Variants in ABAT observed in about 807,000 individuals in gnomAD.
ABAT encodes 4-aminobutyrate aminotransferase.
In ABAT, 45 loss-of-function variants were observed where a neutral mutation model predicts 64.6. The ratio of observed to expected loss-of-function variants is 0.70; its 90% CI spans 0.55 to 0.89. ABAT has a LOEUF of 0.89. ABAT is among the 40% of genes least tolerant of loss of function. The probability of loss-of-function intolerance (pLI) is 0.00; values close to 1 mark genes in which losing one functional copy is unlikely to be tolerated. For missense variants in ABAT, 633 were observed against 658.4 expected (o/e 0.96, Z 0.42); for synonymous variants, 297 against 250.5 (o/e 1.19, Z -1.75).
chr16:8,735,173 CAAA>C (rs79765636), intron 1 of ABAT, among the ~76,000 whole-genome samples: 97 of 72,484 alleles, frequency 1.3e-3, no homozygotes, highest in African/African-American at 2.8e-3. Flanking sequence ...GACTCCATCT[CAAA>C]AAAAAAAAAA....
intron 1 of ABAT, among the ~76,000 whole-genome samples, chr16:8,721,955 A>G (rs768120767): frequency 6.6e-6 from 1 of 152,242 alleles, no homozygotes; most frequent in Non-Finnish European, 1.5e-5. Context: ...ACAGTAAGGA[A>G]TAGAACTTAC....
chr16:8,752,889 TATGCACTTGGCATATTG>T (rs1279380115), intron 5 of ABAT, among the ~76,000 whole-genome samples: 1 of 152,228 alleles, frequency 6.6e-6, no homozygotes, highest in Non-Finnish European at 1.5e-5. Flanking sequence ...GAGAATTTAC[TATGCACTTGGCATATTG>T]CCAAGTGCCT....
intron 6 of ABAT, among the ~76,000 whole-genome samples, chr16:8,763,308 C>T (rs1393781255): frequency 6.6e-6 from 1 of 152,114 alleles, no homozygotes; most frequent in Admixed American, 6.6e-5. Flanking sequence ...TCCTCAGTTC[C>T]CCCAACTCTA....
At position 8,776,771 on chromosome 16, in the gene ABAT, G is replaced by T. The variant is rs1446138455; in HGVS notation, c.1269+281G>T. Among the ~76,000 whole-genome samples the T allele has an allele frequency of 6.6e-6, 1 of 152,006 alleles. No homozygotes were observed. Among genetic ancestry groups the T allele is most frequent in the African/African-American group, 2.4e-5 (1 of 41,386 alleles). ...TTTATTTTTTTAATATTGAGACATG[G>T]TCAAGCTCTGTTAGCCAGTCCGGCC... On this transcript the variant is annotated intron_variant, in intron 14 of 15. Coordinates refer to ENST00000268251, the MANE Select transcript of ABAT (RefSeq NM_020686.6). The surrounding 1 kb of genome is among the most constrained non-coding windows in gnomAD (Gnocchi z 4.4).
intron 11 of ABAT, among the ~76,000 whole-genome samples, chr16:8,769,413 G>T (rs1019785124): frequency 6.6e-6 from 1 of 152,016 alleles, no homozygotes; most frequent in Non-Finnish European, 1.5e-5. Flanking sequence ...CTAAAAATTA[G>T]CTGGGTGTGG....
chr16:8,746,787 C>T (rs1435423099), intron 3 of ABAT, among the ~76,000 whole-genome samples: 2 of 151,994 alleles, frequency 1.3e-5, no homozygotes, highest in Admixed American at 6.6e-5. Context: ...CACAGTAATG[C>T]TTCATAACAA....
At chr16:8,705,705 G>T (rs922496957) in intron 1 of ABAT, among the ~76,000 whole-genome samples, 8 of 152,248 alleles carry the variant, frequency 5.3e-5, no homozygotes, top group African/African-American at 1.9e-4. Flanking sequence ...TTGGTGGTTG[G>T]TTTTTTGCTA....
Position 8,779,510 on chromosome 16 carries a change from G to A in ABAT, c.1301G>A (p.Arg434Lys). 2 of 1,614,174 alleles carry A rather than the reference G, an allele frequency of 1.2e-6. No individual in the cohort carries two copies. The highest frequency in any genetic ancestry group is 1.7e-6 in the Non-Finnish European group (2 of 1,180,030). ...ARYPQFISRV[R>K]GRGTFCSFDT... ...TACCCCCAGTTCATCAGCAGGGTGA[G>A]AGGACGAGGCACCTTTTGCTCCTTC... The change falls in exon 15 of 16, where the codon AGA becomes AAA. Residue 434 changes from arginine (R) to lysine (K), a missense_variant. Coordinates refer to ENST00000268251, the MANE Select transcript of ABAT (RefSeq NM_020686.6).
rs1484900641 is a variant in ABAT at position 8,722,806 on chromosome 16, G to A, written c.-41-12893G>A. 3.1e-6 allele frequency: 4 copies of A among 1,289,006 alleles called. No homozygotes were observed. The Admixed American group carries it at 9.2e-5, about 30-fold the overall frequency. The allele number at this position is 1,289,006 out of a possible 1,614,324, so 79.8% of individuals were successfully genotyped here. ...GGTCTAGCGGATTGCAAAGGGCCTG[G>A]TAGAATCAAAGAGGGATATACTAAT... is the stretch of plus-strand genomic sequence containing the variant. On this transcript the variant is annotated intron_variant, in intron 1 of 15. Transcript: ENST00000268251.
intron 1 of ABAT, among the ~76,000 whole-genome samples, chr16:8,686,240 G>A (rs372810640): frequency 1.8e-4 from 28 of 152,212 alleles, no homozygotes; most frequent in African/African-American, 6.5e-4. Flanking sequence ...ACACACCAAG[G>A]AGCATTTGTG....
At chr16:8,696,067 G>A (rs1273371) in intron 1 of ABAT, among the ~76,000 whole-genome samples, 13,461 of 152,222 alleles carry the variant, frequency 0.088, 721 homozygotes, top group Middle Eastern at 0.17. Context: ...GCCAAAATCC[G>A]CCTTCGATTT....
At chr16:8,713,949 C>CT (rs903951432) in intron 1 of ABAT, 8 of 455,468 alleles carry the variant, frequency 1.8e-5, no homozygotes, top group African/African-American at 1.4e-4. Context: ...GTGCCAGTGT[C>CT]TGTCAGTGCC....
At chr16:8,685,085 G>C (rs2057422833) in intron 1 of ABAT, among the ~76,000 whole-genome samples, 1 of 151,864 alleles carries the variant, frequency 6.6e-6, no homozygotes, top group Non-Finnish European at 1.5e-5. Flanking sequence ...AGGAGTTCGA[G>C]ACCACCTTGG....
At position 8,768,820 on chromosome 16, in the gene ABAT, C is replaced by G; in HGVS notation, c.668-5C>G. ...GCGTCTGCTTTTCTGTTTTGCTGAA[C>G]TCAGGTTGCTTAGCGACCACGCACT... is the stretch of plus-strand genomic sequence containing the variant. On this transcript the variant is annotated splice_region_variant and splice_polypyrimidine_tract_variant and intron_variant, in intron 10 of 15. Transcript: ENST00000268251. The G allele has an allele frequency of 6.2e-7, 1 of 1,614,178 alleles. No homozygotes were observed. The highest frequency in any genetic ancestry group is 8.5e-7 in the Non-Finnish European group (1 of 1,180,034).
rs141500024 is a variant in ABAT at position 8,763,780 on chromosome 16, C to T, written c.367-289C>T. Among the ~76,000 whole-genome samples the T allele has an allele frequency of 4.3e-3, 661 of 152,256 alleles. 2 individuals are homozygous for T. Among genetic ancestry groups the T allele is most frequent in the East Asian group, 0.02 (105 of 5,184 alleles). On this transcript the variant is annotated intron_variant, in intron 6 of 15. Transcript: ENST00000268251. ...AAGTTGCAAAAACCAGTACAAAGAG[C>T]CCCATGTACGCTTCGCTCAGTTTTC...
chr16:8,738,590 C>CT (rs2059054638), intron 2 of ABAT: 3 of 319,080 alleles, frequency 9.4e-6, no homozygotes, highest in Non-Finnish European at 1.8e-5. Flanking sequence ...TTTGCTTTTC[C>CT]TTTTTTCTTT....
At chr16:8,729,059 C>G (rs1202205937) in intron 1 of ABAT, among the ~76,000 whole-genome samples, 4 of 152,090 alleles carry the variant, frequency 2.6e-5, no homozygotes, top group Non-Finnish European at 4.4e-5. Context: ...GTAATCTCAG[C>G]ACGTTGGGAG....
chr16:8,731,785 A>T (rs1344623505), intron 1 of ABAT, among the ~76,000 whole-genome samples: 2 of 152,092 alleles, frequency 1.3e-5, no homozygotes, highest in East Asian at 3.8e-4. Context: ...GAAACTCCAA[A>T]CACACTAAAC....
rs1470661184 is a variant in ABAT at position 8,748,088 on chromosome 16, TTTG to T, written c.169-14_169-12del. The T allele has an allele frequency of 6.2e-7, 1 of 1,612,544 alleles. No homozygotes were observed. The highest frequency in any genetic ancestry group is 8.5e-7 in the Non-Finnish European group (1 of 1,178,712). ...AAGAGTGTGGACTTGCTATAATGCT[TTTG>T]TTGTTCTTGCCTGCAGGAGTTAATG... On this transcript the variant is annotated splice_polypyrimidine_tract_variant and intron_variant, in intron 3 of 15. Transcript: ENST00000268251.
Sources: allele counts gnomAD v4.1 joint callset (sites outside exome capture counted in the v4.1 genomes callset), GRCh38; gene constraint gnomAD v4.1.1; non-coding constraint Gnocchi (gnomAD v3.1); transcripts MANE v1.5; gene names NCBI Gene and HGNC (gene_info 2026-07-23, HGNC 2026-07-21).